Variants in CSF2RA observed in about 807,000 individuals in gnomAD.
The protein encoded by CSF2RA is colony stimulating factor 2 receptor subunit alpha.
Under a neutral mutation model 51.6 loss-of-function variants are expected in CSF2RA, and 42 were observed. The ratio of observed to expected loss-of-function variants is 0.81; its 90% CI spans 0.64 to 1.05. CSF2RA has a LOEUF of 1.05. Ranked by LOEUF, CSF2RA falls within the 50% of genes least tolerant of loss-of-function variation. The pLI, the probability that CSF2RA is intolerant of heterozygous loss-of-function variation, is 0.00. For synonymous variants in CSF2RA, 222 were observed against 193.0 expected, an observed-to-expected ratio of 1.15 and a Z score of -1.24; for missense variants, 530 against 501.1, an observed-to-expected ratio of 1.06 and a Z score of -0.55.
rs1237323409 is a variant in CSF2RA, at chrX:1,309,698, C to G, written c.*219C>G. On this transcript the variant is annotated 3_prime_UTR_variant, in exon 13 of 13. Coordinates refer to ENST00000381529, the MANE Select transcript of CSF2RA (RefSeq NM_172245.4). Reference sequence around the variant, plus strand: ...GGTCAGGAGTTCAAGACCAGCCTGCCCAACATGGTGAAACCCCATCTGGAC... The same window carrying G: ...GGTCAGGAGTTCAAGACCAGCCTGCGCAACATGGTGAAACCCCATCTGGAC... The G allele has an allele frequency of 9.7e-7, 1 of 1,035,458 alleles. No individual in the cohort carries two copies. Among genetic ancestry groups the G allele is most frequent in the Admixed American group, 1.8e-5 (1 of 56,932 alleles). The allele number at this position is 1,035,458 out of a possible 1,614,324, so 64.1% of individuals were successfully genotyped here.
chrX:1,270,168 A>T (rs28438852), intron 1 of CSF2RA, among the ~76,000 whole-genome samples: 49,313 of 151,706 alleles, frequency 0.33, 9,588 homozygotes, highest in African/African-American at 0.56. Flanking sequence ...TACAAGGGTG[A>T]CTGATAAAGG....
rs773556252 is a variant in CSF2RA, at chrX:1,305,975, G to A, written c.1125+448G>A. 498 of 594,916 alleles carry A rather than the reference G, an allele frequency of 8.4e-4. 6 individuals are homozygous for A. Among genetic ancestry groups the A allele is most frequent in the South Asian group, 6.4e-3 (323 of 50,758 alleles). The allele number at this position is 594,916 out of a possible 1,614,324, so 36.9% of individuals were successfully genotyped here. ...TGTACGCCTGAAATCCCAGTGACTC[G>A]GGAGGCTGGGGCAGTAGAACGGCTT... is the stretch of plus-strand genomic sequence containing the variant. On this transcript the variant is annotated intron_variant, in intron 12 of 12. Transcript: ENST00000381529.
At chrX:1,307,500 C>G (rs1469911160) in intron 12 of CSF2RA, among the ~76,000 whole-genome samples, 1 of 151,786 alleles carries the variant, frequency 6.6e-6, no homozygotes, top group Non-Finnish European at 1.5e-5. Context: ...TTAAATGAGG[C>G]CCACTCTCCC....
At chrX:1,318,882 A>C in the CSF2RA span, among the ~76,000 whole-genome samples, 5 of 146,398 alleles carry the variant, frequency 3.4e-5, no homozygotes, top group African/African-American at 1.3e-4. Flanking sequence ...GTGCCACTGC[A>C]CTCCAGCCTG....
chrX:1,272,596 T>C (rs28805350), intron 1 of CSF2RA, among the ~76,000 whole-genome samples: 16,219 of 150,934 alleles, frequency 0.11, 1,819 homozygotes, highest in African/African-American at 0.29. Flanking sequence ...CACCCGATTT[T>C]CCTGCCTCAG....
intron 4 of CSF2RA, 69 bp from the exon 5 acceptor site, chrX:1,288,450 C>G: frequency 1.9e-6 from 3 of 1,609,676 alleles, no homozygotes; most frequent in Non-Finnish European, 2.6e-6. Context: ...CCACTGCACT[C>G]CAGCCTGGGA....
At chrX:1,289,296 T>A (rs1328436798) in intron 6 of CSF2RA, among the ~76,000 whole-genome samples, 1 of 152,074 alleles carries the variant, frequency 6.6e-6, no homozygotes, top group Non-Finnish European at 1.5e-5. Context: ...CCTGTCTAAT[T>A]TTTGTATTTT....
intron 2 of CSF2RA, among the ~76,000 whole-genome samples, chrX:1,280,019 ACCT>A: frequency 6.6e-6 from 1 of 151,774 alleles, no homozygotes; most frequent in African/African-American, 2.4e-5. Flanking sequence ...CGAACTCCTG[ACCT>A]CAGGCGATCC....
the CSF2RA span, among the ~76,000 whole-genome samples, chrX:1,315,830 G>T: frequency 0.31 from 28,758 of 91,950 alleles, 3,665 homozygotes; most frequent in East Asian, 0.69. Context: ...TTAGATAGAT[G>T]AATGGATAAA....
intron 7 of CSF2RA, chrX:1,293,864 G>A: frequency 5.2e-6 from 2 of 387,208 alleles, no homozygotes; most frequent in Non-Finnish European, 4.9e-6. Flanking sequence ...GTAGACAGGA[G>A]GAGACCCTGC....
downstream of CSF2RA, among the ~76,000 whole-genome samples, chrX:1,312,039 C>T (rs1158064582): frequency 1.2e-4 from 19 of 152,116 alleles, no homozygotes; most frequent in Non-Finnish European, 2.4e-4. Flanking sequence ...TCGCTACAAC[C>T]TCCACCTCCC....
At position 1,285,768 on chromosome X, in the gene CSF2RA, C is replaced by G. The variant is rs776212515; in HGVS notation, c.77-10C>G. On this transcript the variant is annotated splice_polypyrimidine_tract_variant and intron_variant, in intron 3 of 12. Transcript: ENST00000381529. ...GAGGAAATTCTGAACCCAGTGCCCG[C>G]TCCTTGCAGATCTGCGAACAGTGGC... The G allele has an allele frequency of 6.2e-7, 1 of 1,612,220 alleles. No homozygotes were observed. The highest frequency in any genetic ancestry group is 1.1e-5 in the South Asian group (1 of 91,000).
intron 12 of CSF2RA, among the ~76,000 whole-genome samples, chrX:1,307,888 A>C (rs1436841348): frequency 1.4e-5 from 2 of 139,442 alleles, no homozygotes; most frequent in African/African-American, 5.1e-5. Context: ...TAGACCTTTG[A>C]CTGATTAGAT....
chrX:1,299,983 C>T (rs1386993751), intron 9 of CSF2RA, among the ~76,000 whole-genome samples: 2 of 150,642 alleles, frequency 1.3e-5, no homozygotes, highest in South Asian at 2.1e-4. Flanking sequence ...TTTGTGAGGC[C>T]GAGGCGGTCG....
intron 3 of CSF2RA, among the ~76,000 whole-genome samples, chrX:1,283,714 C>A (rs1340190920): frequency 2.0e-5 from 3 of 151,724 alleles, no homozygotes; most frequent in Admixed American, 6.6e-5. Flanking sequence ...ATTACAGGCG[C>A]CTGCCACCAG....
At chrX:1,324,740 CCTGT>C in the CSF2RA span, among the ~76,000 whole-genome samples, 1 of 152,078 alleles carries the variant, frequency 6.6e-6, no homozygotes, top group Non-Finnish European at 1.5e-5. Flanking sequence ...CTAACAAAGG[CCTGT>C]CTGAGTCGGG....
At chrX:1,291,023 G>T (rs1194170714) in intron 7 of CSF2RA, among the ~76,000 whole-genome samples, 2 of 152,044 alleles carry the variant, frequency 1.3e-5, no homozygotes, top group African/African-American at 4.8e-5. Context: ...CCAGGTTCAA[G>T]CGATTCTTCT....
chrX:1,321,581 A>AG, the CSF2RA span, among the ~76,000 whole-genome samples: 1 of 151,996 alleles, frequency 6.6e-6, no homozygotes, highest in Non-Finnish European at 1.5e-5. Context: ...TCTCAAAAAA[A>AG]AAAAAAAAGA....
chrX:1,287,278 T>G (rs770966244), intron 4 of CSF2RA: 1 of 150,500 alleles, frequency 6.6e-6, no homozygotes, highest in Non-Finnish European at 1.5e-5. Flanking sequence ...CTCAGCCTCC[T>G]GAGTAGCTGG....
Sources: allele counts gnomAD v4.1 joint callset (sites outside exome capture counted in the v4.1 genomes callset), GRCh38; gene constraint gnomAD v4.1.1; transcripts MANE v1.5; gene names NCBI Gene and HGNC (gene_info 2026-07-23, HGNC 2026-07-21).